RNF166: variants seen among roughly 807,000 people sequenced by gnomAD.
RNF166 encodes the protein E3 ubiquitin-protein ligase RNF166.
RNF166 carries 19 observed loss-of-function variants against 29.4 expected under a neutral mutation model. The ratio of observed to expected loss-of-function variants is 0.65; its 90% confidence interval spans 0.45 to 0.95. The LOEUF is 0.95. Among genes scored for constraint, RNF166 ranks in the 40% least tolerant of loss-of-function variants. RNF166 has a pLI of 0.00. For missense variants in RNF166, 347 were observed against 322.1 expected (o/e 1.08, Z -0.59); for synonymous variants, 171 against 134.5 (o/e 1.27, Z -1.88).
intron 1 of RNF166, 87 bp from the exon 2 acceptor site, chr16:88,701,505 C>G: frequency 1.5e-6 from 2 of 1,311,178 alleles, no homozygotes; most frequent in Non-Finnish European, 2.0e-6. Context: ...TAGGACCCAG[C>G]ATTTGTGGGG....
At chr16:88,705,720 G>C (rs1910720266) in intron 1 of RNF166, among the ~76,000 whole-genome samples, 1 of 152,264 alleles carries the variant, frequency 6.6e-6, no homozygotes, top group African/African-American at 2.4e-5. Flanking sequence ...TTCCTCTGTA[G>C]TCAAAACAGG....
chr16:88,703,416 C>T (rs1406518872), intron 1 of RNF166: 1 of 985,292 alleles, frequency 1.0e-6, no homozygotes, highest in Non-Finnish European at 1.2e-6. Flanking sequence ...GGAAAGGTGC[C>T]CAGAAGGTTG....
chr16:88,703,251 G>A (rs758734678), intron 1 of RNF166: 24 of 975,370 alleles, frequency 2.5e-5, no homozygotes, highest in South Asian at 4.7e-5. Context: ...GAATTGCATC[G>A]ATTGTTGCAT....
intron 1 of RNF166, chr16:88,703,274 A>C (rs1000079824): frequency 7.8e-5 from 77 of 983,418 alleles, no homozygotes; most frequent in Non-Finnish European, 8.9e-5. Flanking sequence ...TTGCAAACAC[A>C]CTGGAAACGA....
chr16:88,705,580 G>C (rs1910702522), intron 1 of RNF166, among the ~76,000 whole-genome samples: 1 of 152,186 alleles, frequency 6.6e-6, no homozygotes, highest in African/African-American at 2.4e-5. Context: ...CCAGCAAGGT[G>C]GTCAGTGTCT....
At chr16:88,701,838 GA>G (rs1366282678) in intron 1 of RNF166, among the ~76,000 whole-genome samples, 2 of 152,202 alleles carry the variant, frequency 1.3e-5, no homozygotes, top group African/African-American at 4.8e-5. Flanking sequence ...CACTCTGGGG[GA>G]TAAAACCTCA....
intron 5 of RNF166, 91 bp from the exon 6 acceptor site, chr16:88,697,724 T>G (rs934826362): frequency 2.2e-6 from 2 of 924,458 alleles, no homozygotes; most frequent in Non-Finnish European, 3.4e-6. Flanking sequence ...GTGTCCACCC[T>G]TCCTGCCTCC....
At position 88,697,574 on chromosome 16, in the gene RNF166, C is replaced by T; in HGVS notation, c.708G>A (p.Glu236=). 1.3e-6 allele frequency: 2 copies of T among 1,549,720 alleles called. No homozygotes were observed. The highest frequency in any genetic ancestry group is 2.4e-5 in the South Asian group (2 of 84,008). The change falls in exon 6 of 6, where the codon GAG becomes GAA. Residue 236 remains glutamate, a synonymous_variant. Coordinates refer to ENST00000312838, the MANE Select transcript of RNF166 (RefSeq NM_178841.4). ...FQAALALSLS[E]N is the part of the protein sequence containing the mutation. Reference sequence around the variant, plus strand: ...CGGGTGGCTGCGCTTCCCTTCAGTTCTCAGAGAGAGACAGGGCCAGAGCAG... The same window carrying T: ...CGGGTGGCTGCGCTTCCCTTCAGTTTTCAGAGAGAGACAGGGCCAGAGCAG...
At chr16:88,705,235 G>A (rs566848835) in intron 1 of RNF166, among the ~76,000 whole-genome samples, 1 of 152,318 alleles carries the variant, frequency 6.6e-6, no homozygotes, top group African/African-American at 2.4e-5. Flanking sequence ...CTCTGTACCA[G>A]GAGCCCCTGA....
intron 1 of RNF166, chr16:88,703,734 T>C: frequency 1.0e-6 from 1 of 985,428 alleles, no homozygotes; most frequent in Non-Finnish European, 1.2e-6. Context: ...GTCGACAGCC[T>C]TACAAAGGGA....
chr16:88,705,841 C>A (rs1910736022), intron 1 of RNF166, among the ~76,000 whole-genome samples: 1 of 152,254 alleles, frequency 6.6e-6, no homozygotes, highest in Non-Finnish European at 1.5e-5. Context: ...GGAGCGGTGG[C>A]ACCTGCTGCC....
chr16:88,701,029 G>C (rs1174216471), intron 2 of RNF166: 3 of 1,374,384 alleles, frequency 2.2e-6, no homozygotes, highest in Non-Finnish European at 2.8e-6. Context: ...AGGCGGCTCT[G>C]ACAGTGCTAC....
In RNF166 at chr16:88,703,207, C is replaced by G. The variant is rs558429448; in HGVS notation, c.156-1789G>C. The G allele has an allele frequency of 3.7e-4, 363 of 978,254 alleles. 7 individuals carry two copies. The South Asian group carries it at 0.013, about 36-fold the overall frequency. The allele number at this position is 978,254 out of a possible 1,614,324, so 60.6% of individuals were successfully genotyped here. A position where few individuals can be genotyped will look rare whatever the true frequency, so the allele number is the denominator to read the frequency against. On this transcript the variant is annotated intron_variant, in intron 1 of 5. Transcript: ENST00000312838. The stretch of plus-strand genomic sequence containing the variant: ...TGGGTGCCAGGCGAGGGGGAGAGTC[C>G]TGGGTTTCTTTCTGGAGTGGGAAGA...
At chr16:88,701,542 T>C (rs1452375320) in intron 1 of RNF166, 124 bp from the exon 2 acceptor site, 1 of 915,288 alleles carries the variant, frequency 1.1e-6, no homozygotes, top group Non-Finnish European at 1.6e-6. Context: ...CCCCTACCGC[T>C]GTCGCCGTCT....
Position 88,706,359 on chromosome 16 carries a change from T to G in RNF166, c.-34A>C, listed in dbSNP as rs1031467811. 4.1e-6 allele frequency: 5 copies of G among 1,211,492 alleles called. No homozygotes were observed. The highest frequency in any genetic ancestry group is 3.2e-4 in the Middle Eastern group (1 of 3,084). 75.0% of individuals were successfully genotyped at this position (1,211,492 alleles called of 1,614,324 possible). A position where few individuals can be genotyped will look rare whatever the true frequency, so the allele number is the denominator to read the frequency against. ...CAGGCCCGCGCCGCCCGCCGCCCGC[T>G]GTCCTGGCCCGGGCCGGCCCGCTAG... On this transcript the variant is annotated 5_prime_UTR_variant, in exon 1 of 6. Coordinates refer to ENST00000312838, the MANE Select transcript of RNF166 (RefSeq NM_178841.4).
intron 2 of RNF166, chr16:88,700,783 C>A: frequency 9.9e-7 from 1 of 1,013,784 alleles, no homozygotes; most frequent in Non-Finnish European, 1.2e-6. Flanking sequence ...CAGGCCCTTA[C>A]GCTGCTCTGA....
intron 1 of RNF166, chr16:88,704,577 T>C: frequency 1.0e-6 from 1 of 985,424 alleles, no homozygotes; most frequent in Non-Finnish European, 1.2e-6. Flanking sequence ...GGTGAAGGTG[T>C]TGGCACCCAA....
intron 2 of RNF166, chr16:88,699,983 G>T (rs758180011): frequency 2.7e-6 from 1 of 374,604 alleles, no homozygotes; most frequent in Non-Finnish European, 4.9e-6. Flanking sequence ...GAAGGGTAGC[G>T]GGAAACAGGT....
At chr16:88,703,035 C>T (rs564676883) in intron 1 of RNF166, 1,301 of 985,356 alleles carry the variant, frequency 1.3e-3, no homozygotes, top group Middle Eastern at 1.6e-3. Context: ...GGCGTTCGGC[C>T]GGGAAGAGGC....
Sources: gnomAD v4.1 joint callset for allele counts (sites outside exome capture counted in the v4.1 genomes callset) on GRCh38, gnomAD v4.1.1 for gene constraint, MANE v1.5 for transcripts, NCBI Gene and HGNC (gene_info 2026-07-23, HGNC 2026-07-21) for gene names.